The following GPATCH2L variants were observed in gnomAD, a reference collection of about 807,000 sequenced individuals.
GPATCH2L encodes G-patch domain containing 2 like.
GPATCH2L carries 31 observed loss-of-function variants against 57.4 expected under a neutral mutation model. The observed-to-expected ratio is 0.54, with a 90% confidence interval of 0.41 to 0.73. The LOEUF (loss-of-function observed/expected upper bound fraction) is 0.73. Among genes scored for constraint, GPATCH2L ranks in the 30% least tolerant of loss-of-function variants. The pLI is 0.00. For synonymous variants in GPATCH2L, 199 were observed against 210.7 expected (o/e 0.94, Z 0.48); for missense variants, 481 against 599.9 (o/e 0.80, Z 2.07).
chr14:76,168,880 T>C (rs1158839458), intron 3 of GPATCH2L, among the ~76,000 whole-genome samples: 1 of 152,220 alleles, frequency 6.6e-6, no homozygotes, highest in Non-Finnish European at 1.5e-5. Context: ...CTGACACCTT[T>C]TCTGTTGGAT....
chr14:76,152,748 A>G (rs2038111442), intron 1 of GPATCH2L: 1 of 455,974 alleles, frequency 2.2e-6, no homozygotes, highest in Admixed American at 2.3e-5. Context: ...TCCATGTTCA[A>G]GTTTGTGCTG....
chr14:76,171,412 T>TA lies in GPATCH2L; in HGVS notation c.728-424dup, dbSNP rs548378367. Among the ~76,000 whole-genome samples, 521 of 151,956 alleles carry TA rather than the reference T, an allele frequency of 3.4e-3. 4 individuals carry two copies. Among genetic ancestry groups the TA allele is most frequent in the African/African-American group, 0.012 (483 of 41,442 alleles). On this transcript the variant is annotated intron_variant, in intron 3 of 9. Transcript: ENST00000261530. ...CAACATGGCAAAACCCCGTCTCTAC[T>TA]AAAAAAATACAAAAATTAGCCAGGC...
At chr14:76,194,537 AC>A (rs1471164419) in intron 8 of GPATCH2L, among the ~76,000 whole-genome samples, 4 of 146,494 alleles carry the variant, frequency 2.7e-5, no homozygotes, top group Non-Finnish European at 5.9e-5. Flanking sequence ...GCATGCATGC[AC>A]CCTTTTCAAC....
Position 76,173,536 on chromosome 14 carries a change from CT to C in GPATCH2L, c.905-3del, listed in dbSNP as rs1312289856. The stretch of plus-strand genomic sequence containing the variant: ...GCATTCGGTATCTGAGGCCTTCCTT[CT>C]TTTTTTAGGGTACCATACTCGCTTG... On this transcript the variant is annotated splice_polypyrimidine_tract_variant and intron_variant, in intron 4 of 9. Coordinates refer to ENST00000261530, the MANE Select transcript of GPATCH2L (RefSeq NM_017926.4). 4.4e-6 allele frequency: 7 copies of C among 1,590,678 alleles called. No individual in the cohort carries two copies. The highest frequency in any genetic ancestry group is 2.2e-5 in the South Asian group (2 of 89,816).
Position 76,154,561 on chromosome 14 carries a change from G to T in GPATCH2L, c.198G>T (p.Glu66Asp). The change falls in exon 2 of 10, where the codon GAG becomes GAT. Residue 66 changes from glutamate (E) to aspartate (D), a missense_variant. Physicochemically the swap from Glu to Asp is conservative, Grantham distance 45. Coordinates refer to ENST00000261530, the MANE Select transcript of GPATCH2L (RefSeq NM_017926.4). This position sits in a 1 kb window ranked among gnomAD's most constrained non-coding sequence, Gnocchi z 4.4. ...EHTCCYSEAS[E>D]SSLDEATKDC... ...CCTGCTGCTACAGCGAGGCCTCTGA[G>T]TCAAGTCTGGATGAGGCCACTAAGG... The T allele has an allele frequency of 1.9e-6, 3 of 1,614,224 alleles. No individual in the cohort carries two copies. Among genetic ancestry groups the T allele is most frequent in the Non-Finnish European group, 2.5e-6 (3 of 1,180,016 alleles).
Position 76,205,200 on chromosome 14 carries a change from C to T in GPATCH2L, c.*3349C>T, listed in dbSNP as rs1173779592. On this transcript the variant is annotated 3_prime_UTR_variant, in exon 10 of 10. Transcript: ENST00000261530. ...GCCTATGCTGGTCTTGAACTCCTAA[C>T]CTCAAGCAATCTTCCTGCCTCAGCC... is the stretch of plus-strand genomic sequence containing the variant. 6.6e-6 allele frequency: 1 copy of T among 152,114 alleles called. No individual in the cohort carries two copies. The highest frequency in any genetic ancestry group is 1.5e-5 in the Non-Finnish European group (1 of 68,106). 9.4% of individuals were successfully genotyped at this position (152,114 alleles called of 1,614,324 possible).
chr14:76,179,069 T>G (rs2039458865), intron 7 of GPATCH2L: 1 of 151,654 alleles, frequency 6.6e-6, no homozygotes, highest in African/African-American at 2.4e-5. Flanking sequence ...TTTTGTTTTT[T>G]TTTTTTAACA....
chr14:76,183,773 T>C (rs2139736687), intron 8 of GPATCH2L, among the ~76,000 whole-genome samples: 1 of 152,322 alleles, frequency 6.6e-6, no homozygotes, highest in South Asian at 2.1e-4. Flanking sequence ...AGCTCCAGTG[T>C]GGCAGACTGA....
At chr14:76,215,902 T>TA (rs1277373972), downstream of GPATCH2L, among the ~76,000 whole-genome samples, 10 of 151,376 alleles carry the variant, frequency 6.6e-5, no homozygotes, top group East Asian at 1.9e-3. Context: ...CCCTAAAACT[T>TA]AAAGTATAAT....
chr14:76,232,011 A>ACTGCAGCCTCACTGCAGCCTCACTGCAG, intron 2 of GPATCH2L, among the ~76,000 whole-genome samples: 1 of 150,440 alleles, frequency 6.6e-6, no homozygotes, highest in African/African-American at 2.4e-5. Context: ...CTGCAGGCTC[A>ACTGCAGCCTCACTGCAGCCTCACTGCAG]AGCAATCTTC....
chr14:76,198,041 G>C (rs540254363), intron 9 of GPATCH2L, among the ~76,000 whole-genome samples: 62 of 152,280 alleles, frequency 4.1e-4, no homozygotes, highest in African/African-American at 1.3e-3. Context: ...GAAACAGCAT[G>C]TCTTCCTTGC....
At position 76,214,251 on chromosome 14, in the gene GPATCH2L, G is replaced by A. The variant is rs542484394; in HGVS notation, c.*12400G>A. On this transcript the variant is annotated 3_prime_UTR_variant, in exon 10 of 10. Transcript: ENST00000261530. ...ATTTCCATTTATTCAAGTCTATTTT[G>A]TGCCTTTTAGCAGTGTTTTAAAATT... is the stretch of plus-strand genomic sequence containing the variant. The A allele has an allele frequency of 6.6e-6, 1 of 152,090 alleles. No homozygotes were observed. Among genetic ancestry groups the A allele is most frequent in the African/African-American group, 2.4e-5 (1 of 41,402 alleles). 9.4% of individuals were successfully genotyped at this position (152,090 alleles called of 1,614,324 possible).
intron 9 of GPATCH2L, among the ~76,000 whole-genome samples, chr14:76,199,927 G>A (rs2040266273): frequency 6.6e-6 from 1 of 152,136 alleles, no homozygotes; most frequent in African/African-American, 2.4e-5. Context: ...CATGTCCATT[G>A]CTGGATGAAT....
rs2040446614 is a variant in GPATCH2L at position 76,212,103 on chromosome 14, A to G, written c.*10252A>G. The G allele has an allele frequency of 6.6e-6, 1 of 152,200 alleles. No homozygotes were observed. Among genetic ancestry groups the G allele is most frequent in the South Asian group, 2.1e-4 (1 of 4,832 alleles). The allele number at this position is 152,200 out of a possible 1,614,324, so 9.4% of individuals were successfully genotyped here. ...ATGGGGATCATATGAAAATATGATT[A>G]AAGAGATTATCACTAGAAGAAAAAT... On this transcript the variant is annotated 3_prime_UTR_variant, in exon 10 of 10. Transcript: ENST00000261530.
Position 76,201,905 on chromosome 14 carries a change from G to T in GPATCH2L, c.*54G>T. 1 of 1,515,358 alleles carries T rather than the reference G, an allele frequency of 6.6e-7. No individual in the cohort carries two copies. The highest frequency in any genetic ancestry group is 9.1e-7 in the Non-Finnish European group (1 of 1,104,368). 93.9% of individuals were successfully genotyped at this position (1,515,358 alleles called of 1,614,324 possible). On this transcript the variant is annotated 3_prime_UTR_variant, in exon 10 of 10. Coordinates refer to ENST00000261530, the MANE Select transcript of GPATCH2L (RefSeq NM_017926.4). ...ACTGGGTGTTGCTGAAGCAAATGTT[G>T]GACTTTGTGTTAGATAGTCTTGCAT...
At chr14:76,217,507 A>G (rs1189169931), downstream of GPATCH2L, among the ~76,000 whole-genome samples, 2 of 152,058 alleles carry the variant, frequency 1.3e-5, no homozygotes, top group African/African-American at 4.8e-5. Context: ...GATATAGACA[A>G]TGGAAAGTTT....
At chr14:76,179,774 G>T (rs1431084735) in intron 7 of GPATCH2L, 1 of 152,064 alleles carries the variant, frequency 6.6e-6, no homozygotes, top group Non-Finnish European at 1.5e-5. Context: ...TAAAGTGAGG[G>T]ATCTCCTTTG....
At chr14:76,174,615 A>G (rs2039238389) in intron 5 of GPATCH2L, 2 of 151,810 alleles carry the variant, frequency 1.3e-5, no homozygotes, top group African/African-American at 4.8e-5. Flanking sequence ...ATTTCTTTTT[A>G]TCTTTAAATT....
intron 9 of GPATCH2L, among the ~76,000 whole-genome samples, chr14:76,201,303 G>C (rs562638995): frequency 1.7e-4 from 26 of 152,228 alleles, no homozygotes; most frequent in Non-Finnish European, 2.6e-4. Flanking sequence ...TTAGCTCCCT[G>C]ATCTAGAAAG....
Sources: gnomAD v4.1 joint callset for allele counts (sites outside exome capture counted in the v4.1 genomes callset) on GRCh38, gnomAD v4.1.1 for gene constraint, Gnocchi (gnomAD v3.1) non-coding constraint, MANE v1.5 for transcripts, NCBI Gene and HGNC (gene_info 2026-07-23, HGNC 2026-07-21) for gene names.